ADCY3: variants seen among roughly 807,000 people sequenced by gnomAD.
The protein encoded by ADCY3 is adenylate cyclase 3.
ADCY3 carries 70 observed loss-of-function variants against 119.4 expected under a neutral mutation model. The ratio of observed to expected loss-of-function variants is 0.59; its 90% confidence interval spans 0.48 to 0.72. The LOEUF is 0.72. Ranked by LOEUF, ADCY3 falls within the 30% of genes least tolerant of loss-of-function variation. The pLI is 0.00. For synonymous variants in ADCY3, 672 were observed against 621.4 expected, an observed-to-expected ratio of 1.08 and a Z score of -1.21; for missense variants, 1,238 against 1,541.6, an observed-to-expected ratio of 0.80 and a Z score of 3.30.
Position 24,872,664 on chromosome 2 carries a change from T to C in ADCY3, c.731A>G (p.Tyr244Cys). ...GCGGTGCTTGCGGTCAGCCATGTAG[T>C]AGGACATGATGCCCACAGCGATGGC... is the stretch of plus-strand genomic sequence containing the variant. ...LCAIAVGIMS[Y>C]YMADRKHRKA... is the part of the protein sequence containing the mutation. Residue 244 changes from tyrosine (Y) to cysteine (C), a missense_variant, in exon 3 of 22, where the codon TAC becomes TGC. Tyr to Cys is a radical substitution (Grantham distance 194, BLOSUM62 -2). Transcript: ENST00000679454. This position sits in a 1 kb window ranked among gnomAD's most constrained non-coding sequence, Gnocchi z 4.4. 6.2e-7 allele frequency: 1 copy of C among 1,614,082 alleles called. No individual in the cohort carries two copies. Among genetic ancestry groups the C allele is most frequent in the Non-Finnish European group, 8.5e-7 (1 of 1,180,004 alleles).
At chr2:24,861,910 C>T (rs897991633) in intron 3 of ADCY3, among the ~76,000 whole-genome samples, 4 of 152,224 alleles carry the variant, frequency 2.6e-5, no homozygotes, top group Non-Finnish European at 5.9e-5. Flanking sequence ...TCCCCTCTGC[C>T]TTATTTCATG....
At chr2:24,825,552 TCTCAGACTCCTGGA>T (rs1668497405) in intron 16 of ADCY3, 2 of 155,690 alleles carry the variant, frequency 1.3e-5, no homozygotes, top group South Asian at 3.6e-4. Flanking sequence ...CCCAGGCTGG[TCTCAGACTCCTGGA>T]CTCAAGTGAT....
At chr2:24,829,236 C>G (rs1208057797) in intron 13 of ADCY3, among the ~76,000 whole-genome samples, 1 of 151,072 alleles carries the variant, frequency 6.6e-6, no homozygotes, top group African/African-American at 2.4e-5. Flanking sequence ...AGGCTGGTCT[C>G]AAACTCCTGA....
intron 3 of ADCY3, among the ~76,000 whole-genome samples, chr2:24,843,055 C>T (rs371586081): frequency 9.3e-4 from 141 of 152,318 alleles, no homozygotes; most frequent in Admixed American, 1.5e-3. Flanking sequence ...GCCCAAGACG[C>T]GACGCTGAGG....
Position 24,878,047 on chromosome 2 carries a change from G to A in ADCY3, c.676-5328C>T, listed in dbSNP as rs766848824. The A allele has an allele frequency of 5.3e-6, 2 of 378,340 alleles. No individual in the cohort carries two copies. Among genetic ancestry groups the A allele is most frequent in the Non-Finnish European group, 1.1e-5 (2 of 178,524 alleles). The allele number at this position is 378,340 out of a possible 1,614,324, so 23.4% of individuals were successfully genotyped here. Reference sequence around the variant, plus strand: ...GTGACAGAGGTCCACAGCCCCTGGGGTCTCTATTTATAGATCTTTTTACAA... The same window carrying A: ...GTGACAGAGGTCCACAGCCCCTGGGATCTCTATTTATAGATCTTTTTACAA... On this transcript the variant is annotated intron_variant, in intron 2 of 21. Transcript: ENST00000679454. The surrounding 1 kb of genome is among the most constrained non-coding windows in gnomAD (Gnocchi z 4.0).
At chr2:24,893,414 G>T (rs547654293) in intron 2 of ADCY3, among the ~76,000 whole-genome samples, 1 of 152,196 alleles carries the variant, frequency 6.6e-6, no homozygotes, top group African/African-American at 2.4e-5. Context: ...ACAGGGTCTT[G>T]CTCTGTCACC....
At chr2:24,840,309 A>T (rs1275864297) in intron 6 of ADCY3, among the ~76,000 whole-genome samples, 1 of 152,206 alleles carries the variant, frequency 6.6e-6, no homozygotes, top group African/African-American at 2.4e-5. Flanking sequence ...TTACTCTTTT[A>T]TTCATTCGTG....
intron 7 of ADCY3, 130 bp from the exon 8 acceptor site, chr2:24,838,752 G>A (rs1169396813): frequency 3.8e-6 from 6 of 1,582,888 alleles, no homozygotes; most frequent in Admixed American, 1.7e-5. Flanking sequence ...TGGGGCAGAG[G>A]CCAAGTGGAG....
At chr2:24,908,989 T>A (rs1275725034) in intron 2 of ADCY3, among the ~76,000 whole-genome samples, 1 of 152,200 alleles carries the variant, frequency 6.6e-6, no homozygotes. Flanking sequence ...TCAGCCTCCC[T>A]ACAGTTTTAG....
intron 13 of ADCY3, 48 bp from the exon 14 acceptor site, chr2:24,828,209 G>T: frequency 6.2e-7 from 1 of 1,601,632 alleles, no homozygotes; most frequent in Non-Finnish European, 8.5e-7. Flanking sequence ...GAGAACAGCA[G>T]GTGCTGGTCA....
rs1044040 is a variant in ADCY3 at position 24,819,756 on chromosome 2, C to G, written c.*176G>C. 581,334 of 661,308 alleles carry G rather than the reference C, an allele frequency of 0.88. 257,692 individuals carry two copies. Among genetic ancestry groups the G allele is most frequent in the East Asian group, 0.99 (34,602 of 34,930 alleles). The allele number at this position is 661,308 out of a possible 1,614,324, so 41.0% of individuals were successfully genotyped here. On this transcript the variant is annotated 3_prime_UTR_variant, in exon 22 of 22. Transcript: ENST00000679454. ...ATGCTGGGGACACTACAGGCACACA[C>G]AGGAATAGCAGGGCCACCCTCAGAG...
intron 2 of ADCY3, among the ~76,000 whole-genome samples, chr2:24,917,763 G>A (rs1220429897): frequency 6.6e-6 from 1 of 152,192 alleles, no homozygotes; most frequent in African/African-American, 2.4e-5. Context: ...AGCTCCCGGA[G>A]GCAGGAAATA....
intron 19 of ADCY3, chr2:24,822,202 TCA>T (rs1667846067): frequency 8.3e-6 from 2 of 242,160 alleles, no homozygotes; most frequent in Non-Finnish European, 1.6e-5. Context: ...GGCCATGCTT[TCA>T]GTTTCCCTTG....
rs201034648 is a variant in ADCY3, at chr2:24,918,478, G to A, written c.510C>T (p.Gly170=). The A allele has an allele frequency of 5.0e-6, 8 of 1,614,080 alleles. No homozygotes were observed. The African/African-American group carries it at 9.3e-5, about 19-fold the overall frequency. Residue 170 remains glycine, a synonymous_variant, in exon 2 of 22, where the codon GGC becomes GGT. Coordinates refer to ENST00000679454, the MANE Select transcript of ADCY3 (RefSeq NM_004036.5). This position sits in a 1 kb window ranked among gnomAD's most constrained non-coding sequence, Gnocchi z 5.4. The part of the protein sequence containing the change: ...ARAHAASDTV[G]WQVFFVFSFF... The stretch of plus-strand genomic sequence containing the variant: ...AGGAGAAGACAAAGAAGACCTGCCA[G>A]CCCACCGTGTCACTAGCCGCGTGGG...
intron 3 of ADCY3, among the ~76,000 whole-genome samples, chr2:24,848,103 A>T (rs1345296983): frequency 6.6e-6 from 1 of 152,242 alleles, no homozygotes. Flanking sequence ...AACTGGCCCC[A>T]AAACTGGCCA....
At chr2:24,847,644 G>A (rs1422557244) in intron 3 of ADCY3, among the ~76,000 whole-genome samples, 1 of 152,226 alleles carries the variant, frequency 6.6e-6, no homozygotes, top group Non-Finnish European at 1.5e-5. Context: ...GATGCCCAAT[G>A]CAAAGAAATG....
intron 3 of ADCY3, among the ~76,000 whole-genome samples, chr2:24,846,736 G>A (rs1671699886): frequency 6.6e-6 from 1 of 152,054 alleles, no homozygotes; most frequent in South Asian, 2.1e-4. Flanking sequence ...CTGCCCCCAT[G>A]CCCGGCTAAT....
intron 19 of ADCY3, 173 bp downstream of exon 19, chr2:24,822,334 CTGCT>C (rs2148357934): frequency 1.1e-6 from 1 of 895,024 alleles, no homozygotes; most frequent in African/African-American, 1.7e-5. Context: ...TTCTGTTTCT[CTGCT>C]TGCCGAACTT....
chr2:24,887,634 G>GAC (rs1298480168), intron 2 of ADCY3, among the ~76,000 whole-genome samples: 1 of 151,608 alleles, frequency 6.6e-6, no homozygotes, highest in Non-Finnish European at 1.5e-5. Flanking sequence ...ACTCCCCCCC[G>GAC]ACACACACAC....
Sources: allele counts gnomAD v4.1 joint callset (sites outside exome capture counted in the v4.1 genomes callset), GRCh38; gene constraint gnomAD v4.1.1; non-coding constraint Gnocchi (gnomAD v3.1); transcripts MANE v1.5; gene names NCBI Gene and HGNC (gene_info 2026-07-23, HGNC 2026-07-21).